MYO3A: variants seen among roughly 807,000 people sequenced by gnomAD.
The protein encoded by MYO3A is myosin IIIA.
MYO3A carries 180 observed loss-of-function variants against 192.7 expected under a neutral mutation model. The ratio of observed to expected loss-of-function variants is 0.93; its 90% CI spans 0.83 to 1.06. MYO3A has a LOEUF of 1.06. Ranked by LOEUF, MYO3A falls within the 50% of genes least tolerant of loss-of-function variation. MYO3A has a pLI of 0.00. For synonymous variants in MYO3A, 628 were observed against 645.3 expected, an observed-to-expected ratio of 0.97 and a Z score of 0.41; for missense variants, 1,896 against 1,905.0, an observed-to-expected ratio of 1.00 and a Z score of 0.09.
chr10:25,962,930 T>G (rs1156591238), intron 4 of MYO3A, among the ~76,000 whole-genome samples: 1 of 152,210 alleles, frequency 6.6e-6, no homozygotes, highest in Non-Finnish European at 1.5e-5. Context: ...AAATCTGGGC[T>G]TCTCTCTCAG....
chr10:26,093,539 AC>A (rs1038106963), intron 15 of MYO3A, among the ~76,000 whole-genome samples: 3 of 152,024 alleles, frequency 2.0e-5, no homozygotes, highest in African/African-American at 7.3e-5. Flanking sequence ...TGAAACCTTC[AC>A]TTTTCTTTGC....
intron 9 of MYO3A, 113 bp downstream of exon 9, chr10:26,024,200 T>C: frequency 9.6e-7 from 1 of 1,038,596 alleles, no homozygotes; most frequent in African/African-American, 1.6e-5. Context: ...ATTATTTTCT[T>C]CAAAGGAAGC....
At chr10:26,116,929 T>C (rs1838542437) in intron 17 of MYO3A, among the ~76,000 whole-genome samples, 1 of 152,188 alleles carries the variant, frequency 6.6e-6, no homozygotes, top group Admixed American at 6.5e-5. Flanking sequence ...TTCCCCACAA[T>C]TGAGAACCAC....
intron 17 of MYO3A, among the ~76,000 whole-genome samples, chr10:26,107,790 A>AG (rs1400782363): frequency 6.6e-6 from 1 of 151,962 alleles, no homozygotes; most frequent in East Asian, 1.9e-4. Flanking sequence ...TGGGTTTACA[A>AG]GGGGGTTTCG....
chr10:25,942,654 G>A (rs1386116132), intron 2 of MYO3A, among the ~76,000 whole-genome samples: 1 of 152,104 alleles, frequency 6.6e-6, no homozygotes, highest in Non-Finnish European at 1.5e-5. Flanking sequence ...GCATGAAGTG[G>A]TATTGCATTG....
chr10:26,105,419 A>G (rs1048615004), intron 17 of MYO3A, among the ~76,000 whole-genome samples: 1 of 152,096 alleles, frequency 6.6e-6, no homozygotes, highest in Non-Finnish European at 1.5e-5. Context: ...TGAAAGTAAC[A>G]TGTTGTTTTA....
intron 17 of MYO3A, among the ~76,000 whole-genome samples, chr10:26,101,010 A>G (rs922914828): frequency 2.0e-5 from 3 of 152,176 alleles, no homozygotes; most frequent in Admixed American, 1.3e-4. Context: ...AAAGTCTCCC[A>G]TTATTAATGT....
Position 26,193,186 on chromosome 10 carries a change from A to G in MYO3A, c.4439-19A>G. On this transcript the variant is annotated intron_variant, in intron 31 of 34. Transcript: ENST00000642920. ...AGTATTTGTAATTAAATACTTGTTT[A>G]TGATCACCTTTCTTATAGGTGTCTG... 1 of 1,543,888 alleles carries G rather than the reference A, an allele frequency of 6.5e-7. No homozygotes were observed. Among genetic ancestry groups the G allele is most frequent in the Non-Finnish European group, 9.0e-7 (1 of 1,116,394 alleles).
In MYO3A at chr10:26,037,385, G is replaced by T. The variant is rs548165008; in HGVS notation, c.953+10853G>T. Among the ~76,000 whole-genome samples, 10 of 152,256 alleles carry T rather than the reference G, an allele frequency of 6.6e-5. No homozygotes were observed. In the South Asian group the frequency reaches 2.1e-3, roughly 32 times the overall value. On this transcript the variant is annotated intron_variant, in intron 10 of 34. Transcript: ENST00000642920. The stretch of plus-strand genomic sequence containing the variant: ...ATATGTTCAACAGACACAATAGTGC[G>T]TTTAGCTATTTATTACTTACTGTGA...
At position 26,212,173 on chromosome 10, in the gene MYO3A, C is replaced by G; in HGVS notation, c.*210C>G. On this transcript the variant is annotated 3_prime_UTR_variant, in exon 35 of 35. Transcript: ENST00000642920. ...CCTGGGAGCCCTCGGGAAACCTCCC[C>G]CGACGCTCTCTCTCGGAACTCCCGC... 5 of 661,968 alleles carry G rather than the reference C, an allele frequency of 7.6e-6. No homozygotes were observed. Among genetic ancestry groups the G allele is most frequent in the Middle Eastern group, 4.3e-4 (1 of 2,312 alleles). The allele number at this position is 661,968 out of a possible 1,614,324, so 41.0% of individuals were successfully genotyped here.
rs116667110 is a variant in MYO3A, at chr10:26,132,366, G to A, written c.2262+3828G>A. 1.5e-3 allele frequency among the ~76,000 whole-genome samples: 227 copies of A among 152,256 alleles called. 3 individuals are homozygous for A. Among genetic ancestry groups the A allele is most frequent in the African/African-American group, 5.1e-3 (212 of 41,550 alleles). ...TTGTCCTTTGTCTTAATTTTGCACT[G>A]TGGTATCATCATTGTGGTATAGAAC... On this transcript the variant is annotated intron_variant, in intron 20 of 34. Coordinates refer to ENST00000642920, the MANE Select transcript of MYO3A (RefSeq NM_017433.5).
chr10:25,997,494 C>G (rs116294059), intron 6 of MYO3A, among the ~76,000 whole-genome samples: 12 of 152,088 alleles, frequency 7.9e-5, no homozygotes, highest in African/African-American at 2.9e-4. Flanking sequence ...TAGTAACATG[C>G]GTAGTTGATC....
Position 26,043,149 on chromosome 10 carries a change from G to GTCTCTCTCTCTC in MYO3A, c.953+16643_953+16654dup, listed in dbSNP as rs59621862. Among the ~76,000 whole-genome samples the GTCTCTCTCTCTC allele has an allele frequency of 3.2e-3, 460 of 143,380 alleles. 3 individuals carry two copies. The highest frequency in any genetic ancestry group is 3.9e-3 in the Non-Finnish European group (261 of 66,426). The allele number at this position is 143,380 out of a possible 152,430, so 94.1% of individuals were successfully genotyped here. ...CTTCCTGTACTTTCTGCCAAACAGA[G>GTCTCTCTCTCTC]TCTCTCTCTCTCTCTCTCTCTCTCT... On this transcript the variant is annotated intron_variant, in intron 10 of 34. Transcript: ENST00000642920.
At chr10:26,099,239 G>C (rs1334890244) in intron 17 of MYO3A, among the ~76,000 whole-genome samples, 1 of 152,178 alleles carries the variant, frequency 6.6e-6, no homozygotes, top group Non-Finnish European at 1.5e-5. Context: ...AGGAATGGTT[G>C]TGATTTTGGC....
At chr10:26,028,812 C>G (rs779128738) in intron 10 of MYO3A, among the ~76,000 whole-genome samples, 6 of 152,108 alleles carry the variant, frequency 3.9e-5, no homozygotes, top group Non-Finnish European at 7.4e-5. Context: ...CCCCTAGAGT[C>G]CTAGGGGAAA....
At chr10:26,016,990 A>G (rs1231200115) in intron 7 of MYO3A, 94 bp downstream of exon 7, 2 of 1,287,056 alleles carry the variant, frequency 1.6e-6, no homozygotes, top group Non-Finnish European at 2.3e-6. Context: ...ATTTTGGAAT[A>G]TAACAGAAGA....
At chr10:25,937,703 A>G (rs537794518) in intron 2 of MYO3A, among the ~76,000 whole-genome samples, 1 of 151,080 alleles carries the variant, frequency 6.6e-6, no homozygotes, top group South Asian at 2.1e-4. Flanking sequence ...TTTAAGAAGT[A>G]CTTTTATCCT....
At chr10:26,049,354 GA>G (rs1843832119) in intron 10 of MYO3A, among the ~76,000 whole-genome samples, 1 of 152,172 alleles carries the variant, frequency 6.6e-6, no homozygotes, top group African/African-American at 2.4e-5. Context: ...TGAGGAAGGA[GA>G]AATAGGGAAT....
intron 10 of MYO3A, among the ~76,000 whole-genome samples, chr10:26,038,735 G>A (rs1843167733): frequency 1.3e-5 from 2 of 152,100 alleles, no homozygotes; most frequent in South Asian, 4.1e-4. Flanking sequence ...TTGAATAACA[G>A]TAGGCATCTT....
Sources: allele counts gnomAD v4.1 joint callset (sites outside exome capture counted in the v4.1 genomes callset), GRCh38; gene constraint gnomAD v4.1.1; transcripts MANE v1.5; gene names NCBI Gene and HGNC (gene_info 2026-07-23, HGNC 2026-07-21).